AGMO: variants seen among roughly 807,000 people sequenced by gnomAD.
AGMO encodes the protein alkylglycerol monooxygenase, also known as glyceryl-ether monooxygenase.
Under a neutral mutation model 60.2 loss-of-function variants are expected in AGMO, and 75 were observed. That is an observed-to-expected ratio of 1.25 (90% CI 1.03 to 1.51). The LOEUF is 1.51. Among genes scored for constraint, AGMO ranks in the 40% most tolerant of loss-of-function variants. The probability of loss-of-function intolerance (pLI) is 0.00; values close to 1 mark genes in which losing one functional copy is unlikely to be tolerated. For synonymous variants in AGMO, 261 were observed against 177.1 expected (o/e 1.47, Z -3.76); for missense variants, 763 against 525.5 (o/e 1.45, Z -4.42).
At chr7:15,449,597 A>G (rs1781804700) in intron 3 of AGMO, among the ~76,000 whole-genome samples, 1 of 152,176 alleles carries the variant, frequency 6.6e-6, no homozygotes, top group Non-Finnish European at 1.5e-5. Flanking sequence ...GCTATACTAT[A>G]TAGCCTAGGT....
chr7:15,159,369 G>A, the AGMO span, among the ~76,000 whole-genome samples: 4 of 152,316 alleles, frequency 2.6e-5, no homozygotes, highest in African/African-American at 9.6e-5. Context: ...GTAAAAGACA[G>A]TGCAGAGATT....
At chr7:15,261,109 G>C (rs192695269) in intron 12 of AGMO, among the ~76,000 whole-genome samples, 4 of 151,714 alleles carry the variant, frequency 2.6e-5, no homozygotes, top group African/African-American at 7.2e-5. Context: ...TTATAAAACG[G>C]GAGTAACGAG....
At chr7:15,537,043 G>C (rs1297773339) in intron 3 of AGMO, among the ~76,000 whole-genome samples, 2 of 151,960 alleles carry the variant, frequency 1.3e-5, no homozygotes, top group East Asian at 3.9e-4. Context: ...GTTTTTTCCA[G>C]ATCATATTTA....
At chr7:15,215,364 CTCTT>C (rs1415982647) in intron 12 of AGMO, among the ~76,000 whole-genome samples, 1 of 151,832 alleles carries the variant, frequency 6.6e-6, no homozygotes, top group Non-Finnish European at 1.5e-5. Context: ...TTTTTTTCCT[CTCTT>C]TTTTTTCTTT....
At chr7:15,237,582 A>G (rs1782463216) in intron 12 of AGMO, among the ~76,000 whole-genome samples, 1 of 152,200 alleles carries the variant, frequency 6.6e-6, no homozygotes, top group East Asian at 1.9e-4. Flanking sequence ...AGAATATGAG[A>G]GAGCAGGGAA....
intron 10 of AGMO, among the ~76,000 whole-genome samples, chr7:15,369,081 T>C (rs556597669): frequency 8.6e-4 from 131 of 152,252 alleles, no homozygotes; most frequent in African/African-American, 3.0e-3. Flanking sequence ...TAACTTTTTC[T>C]GTCACTGTCT....
At chr7:15,118,063 G>T in the AGMO span, among the ~76,000 whole-genome samples, 55,222 of 151,496 alleles carry the variant, frequency 0.36, 11,110 homozygotes, top group East Asian at 0.68. Flanking sequence ...TAATTTCCCT[G>T]TGTAATGTTG....
At chr7:15,404,531 C>T (rs933617953) in intron 5 of AGMO, among the ~76,000 whole-genome samples, 1 of 151,878 alleles carries the variant, frequency 6.6e-6, no homozygotes, top group African/African-American at 2.4e-5. Flanking sequence ...CCATCTCAAA[C>T]TTCATCCTTA....
At chr7:15,177,219 T>A in the AGMO span, among the ~76,000 whole-genome samples, 1 of 152,084 alleles carries the variant, frequency 6.6e-6, no homozygotes, top group East Asian at 1.9e-4. Context: ...GTCTTTGCAT[T>A]TGAAACATAC....
At chr7:15,470,756 G>C (rs967028832) in intron 3 of AGMO, among the ~76,000 whole-genome samples, 1 of 151,800 alleles carries the variant, frequency 6.6e-6, no homozygotes, top group Non-Finnish European at 1.5e-5. Flanking sequence ...GAGTTTGAAA[G>C]AACTATAGTT....
intron 12 of AGMO, among the ~76,000 whole-genome samples, chr7:15,231,222 G>A (rs1243037970): frequency 6.6e-6 from 1 of 152,196 alleles, no homozygotes. Flanking sequence ...AATGGAAGTT[G>A]CAGTAGGACA....
chr7:15,149,216 G>A, the AGMO span, among the ~76,000 whole-genome samples: 1 of 152,070 alleles, frequency 6.6e-6, no homozygotes, highest in Non-Finnish European at 1.5e-5. Context: ...CTGGATAGTG[G>A]ACCTTTGTTG....
At chr7:15,353,382 G>A (rs1237190208) in intron 12 of AGMO, among the ~76,000 whole-genome samples, 1 of 152,060 alleles carries the variant, frequency 6.6e-6, no homozygotes, top group African/African-American at 2.4e-5. Flanking sequence ...AATTAATGGG[G>A]ATTGTATTCA....
In AGMO at chr7:15,289,509, C is replaced by G. The variant is rs894617987; in HGVS notation, c.1263+76005G>C. Among the ~76,000 whole-genome samples, 130 of 151,928 alleles carry G rather than the reference C, an allele frequency of 8.6e-4. 2 individuals are homozygous for G. Among genetic ancestry groups the G allele is most frequent in the Admixed American group, 8.5e-4 (13 of 15,254 alleles). On this transcript the variant is annotated intron_variant, in intron 12 of 12. Coordinates refer to ENST00000342526, the MANE Select transcript of AGMO (RefSeq NM_001004320.2). The stretch of plus-strand genomic sequence containing the variant: ...TTAGCCATTTCTTAGGTAATACATG[C>G]TTTGTGGCTCACCAAGTATATATTA...
chr7:15,187,055 A>G, the AGMO span, among the ~76,000 whole-genome samples: 1 of 152,250 alleles, frequency 6.6e-6, no homozygotes, highest in Non-Finnish European at 1.5e-5. Context: ...TTTATAAAGT[A>G]ATTTTCTTTT....
intron 7 of AGMO, 45 bp from the exon 8 acceptor site, chr7:15,390,795 T>G (rs1784105961): frequency 9.1e-6 from 14 of 1,537,866 alleles, no homozygotes; most frequent in Non-Finnish European, 1.3e-5. Context: ...TCCTGTAAAG[T>G]AAAGGAGCTG....
chr7:15,390,508 C>G (rs945314236), intron 8 of AGMO, among the ~76,000 whole-genome samples, 163 bp downstream of exon 8: 2 of 152,116 alleles, frequency 1.3e-5, no homozygotes, highest in African/African-American at 4.8e-5. Context: ...TTGATTCAAA[C>G]TTTTGCTTGT....
intron 12 of AGMO, among the ~76,000 whole-genome samples, chr7:15,211,960 C>T (rs917635530): frequency 2.6e-5 from 4 of 151,840 alleles, no homozygotes; most frequent in African/African-American, 4.8e-5. Flanking sequence ...TTTGGACTAG[C>T]GAATTGACAG....
At chr7:15,310,966 G>A (rs183935844) in intron 12 of AGMO, among the ~76,000 whole-genome samples, 37 of 151,992 alleles carry the variant, frequency 2.4e-4, no homozygotes, top group African/African-American at 7.5e-4. Context: ...TGACTCTCCC[G>A]CCTCCCTCTT....
Sources: gnomAD v4.1 joint callset for allele counts (sites outside exome capture counted in the v4.1 genomes callset) on GRCh38, gnomAD v4.1.1 for gene constraint, MANE v1.5 for transcripts, NCBI Gene and HGNC (gene_info 2026-07-23, HGNC 2026-07-21) for gene names.